Variants in MLN observed in about 807,000 individuals in gnomAD.
MLN encodes promotilin.
MLN carries 14 observed loss-of-function variants against 13.3 expected under a neutral mutation model. The ratio of observed to expected loss-of-function variants is 1.05; its 90% CI spans 0.69 to 1.64. The LOEUF (loss-of-function observed/expected upper bound fraction) is 1.64. MLN is among the 40% of genes most tolerant of loss of function. MLN has a pLI of 0.00. For missense variants in MLN, 122 were observed against 142.9 expected, an observed-to-expected ratio of 0.85 and a Z score of 0.75; for synonymous variants, 59 against 54.7, an observed-to-expected ratio of 1.08 and a Z score of -0.34.
At chr6:33,795,147 G>C (rs1430099120) in intron 4 of MLN, among the ~76,000 whole-genome samples, 1 of 152,232 alleles carries the variant, frequency 6.6e-6, no homozygotes, top group Non-Finnish European at 1.5e-5. Context: ...ACCTTGAACT[G>C]GGCAAGGCCA....
chr6:33,795,959 C>CTTT (rs5875463), intron 3 of MLN, among the ~76,000 whole-genome samples: 32 of 121,778 alleles, frequency 2.6e-4, no homozygotes, highest in South Asian at 5.3e-4. Flanking sequence ...TTATTCTAAG[C>CTTT]TTTTTTTTTT....
At chr6:33,797,890 A>C (rs1157238354) in intron 3 of MLN, among the ~76,000 whole-genome samples, 1 of 152,128 alleles carries the variant, frequency 6.6e-6, no homozygotes, top group African/African-American at 2.4e-5. Context: ...GAATGAATGG[A>C]GAGTCCAGTG....
intron 2 of MLN, among the ~76,000 whole-genome samples, chr6:33,800,801 G>A (rs1374773628): frequency 6.6e-6 from 1 of 152,234 alleles, no homozygotes; most frequent in East Asian, 1.9e-4. Flanking sequence ...GAGCAGCTCG[G>A]TAAATATTTA....
In MLN at chr6:33,795,562, T is replaced by C. The variant is rs1353920552; in HGVS notation, c.278A>G (p.Gln93Arg). The C allele has an allele frequency of 6.4e-7, 1 of 1,566,626 alleles. No individual in the cohort carries two copies. The highest frequency in any genetic ancestry group is 8.7e-7 in the Non-Finnish European group (1 of 1,154,028). Residue 93 changes from glutamine (Q) to arginine (R), a missense_variant, in exon 4 of 5, where the codon CAG (glutamine) becomes CGG (arginine). Physicochemically the swap from Gln to Arg is conservative, Grantham distance 43. Transcript: ENST00000430124. The stretch of plus-strand genomic sequence containing the variant: ...CAGGGTGGCCGGGTACTTTTCCAGC[T>C]GTCTGGAGTTCATCCTCATTCCAAT... ...LEIGMRMNSR[Q>R]LEKYPATLEG...
In MLN at chr6:33,799,769, T is replaced by A. The variant is rs908087596; in HGVS notation, c.118-548A>T. On this transcript the variant is annotated intron_variant, in intron 2 of 4. Coordinates refer to ENST00000430124, the MANE Select transcript of MLN (RefSeq NM_002418.3). This position sits in a 1 kb window ranked among gnomAD's most constrained non-coding sequence, Gnocchi z 4.6. ...ATGAGGAGAAAAGCCATGGAGCAGA[T>A]TAATGCAGTGTCCTTTGCTTGCTAT... Among the ~76,000 whole-genome samples, 7 of 152,332 alleles carry A rather than the reference T, an allele frequency of 4.6e-5. No homozygotes were observed. Among genetic ancestry groups the A allele is most frequent in the Admixed American group, 2.6e-4 (4 of 15,300 alleles).
intron 3 of MLN, among the ~76,000 whole-genome samples, chr6:33,796,117 G>A (rs534815385): frequency 3.9e-5 from 6 of 152,106 alleles, no homozygotes; most frequent in African/African-American, 1.4e-4. Context: ...CCGCTACCAC[G>A]CCCGGCTAAT....
At position 33,803,007 on chromosome 6, in the gene MLN, A is replaced by T. The variant is rs1054754048; in HGVS notation, c.-8+946T>A. Among the ~76,000 whole-genome samples, 7 of 152,104 alleles carry T rather than the reference A, an allele frequency of 4.6e-5. No individual in the cohort carries two copies. The highest frequency in any genetic ancestry group is 2.6e-4 in the Admixed American group (4 of 15,284). On this transcript the variant is annotated intron_variant, in intron 1 of 4. Coordinates refer to ENST00000430124, the MANE Select transcript of MLN (RefSeq NM_002418.3). The surrounding 1 kb of genome is among the most constrained non-coding windows in gnomAD (Gnocchi z 4.5). ...TAGGAATCAATAAAAACTTTAAATTAAAAAAAAGGCAAAATCCAATTGCTT... is the reference window on the plus strand; with the variant it reads ...TAGGAATCAATAAAAACTTTAAATTTAAAAAAAGGCAAAATCCAATTGCTT...
In MLN at chr6:33,801,001, A is replaced by G. The variant is rs754755759; in HGVS notation, c.117+46T>C. On this transcript the variant is annotated intron_variant, in intron 2 of 4. Transcript: ENST00000430124. ...CCTTGGTATCACCGGCATAGGTCATAGTGACCTCAGCCTTGCTAGCAGGGC... is the reference window on the plus strand; with the variant it reads ...CCTTGGTATCACCGGCATAGGTCATGGTGACCTCAGCCTTGCTAGCAGGGC... 10 of 1,406,158 alleles carry G rather than the reference A, an allele frequency of 7.1e-6. No homozygotes were observed. In the South Asian group the frequency reaches 1.2e-4, roughly 16 times the overall value. The allele number at this position is 1,406,158 out of a possible 1,614,324, so 87.1% of individuals were successfully genotyped here.
Position 33,799,305 on chromosome 6 carries a change from G to A in MLN, c.118-84C>T. On this transcript the variant is annotated intron_variant, in intron 2 of 4. Coordinates refer to ENST00000430124, the MANE Select transcript of MLN (RefSeq NM_002418.3). The surrounding 1 kb of genome is among the most constrained non-coding windows in gnomAD (Gnocchi z 4.6). ...CCTTGCCTGTCTCCATCTGCCCAGG[G>A]TGCTGTCTGCCCTGAGCTCCCTACA... 1 of 967,558 alleles carries A rather than the reference G, an allele frequency of 1.0e-6. No homozygotes were observed. Among genetic ancestry groups the A allele is most frequent in the East Asian group, 2.5e-5 (1 of 40,532 alleles). 59.9% of individuals were successfully genotyped at this position (967,558 alleles called of 1,614,324 possible). A position where few individuals can be genotyped will look rare whatever the true frequency, so the allele number is the denominator to read the frequency against.
Position 33,794,736 on chromosome 6 carries a change from G to T in MLN, c.*89C>A. ...TTTGGAAAGGGTGTTTTCCTTCCAA[G>T]CCCAGCTGGCAGGCTCTGTAAATTC... On this transcript the variant is annotated 3_prime_UTR_variant, in exon 5 of 5. Coordinates refer to ENST00000430124, the MANE Select transcript of MLN (RefSeq NM_002418.3). 6.6e-7 allele frequency: 1 copy of T among 1,516,062 alleles called. No homozygotes were observed. The highest frequency in any genetic ancestry group is 9.0e-7 in the Non-Finnish European group (1 of 1,110,392). The allele number at this position is 1,516,062 out of a possible 1,614,324, so 93.9% of individuals were successfully genotyped here.
At chr6:33,801,322 A>G (rs1243493629) in intron 1 of MLN, among the ~76,000 whole-genome samples, 152 bp from the exon 2 acceptor site, 1 of 152,228 alleles carries the variant, frequency 6.6e-6, no homozygotes, top group Non-Finnish European at 1.5e-5. Flanking sequence ...TGGGCCTGGT[A>G]TCAGAGCTTG....
At chr6:33,801,329 C>A (rs1277674986) in intron 1 of MLN, among the ~76,000 whole-genome samples, 159 bp from the exon 2 acceptor site, 2 of 152,256 alleles carry the variant, frequency 1.3e-5, no homozygotes, top group African/African-American at 2.4e-5. Context: ...GGTATCAGAG[C>A]TTGAGCAGAT....
chr6:33,800,006 G>A (rs1768008002), intron 2 of MLN, among the ~76,000 whole-genome samples: 2 of 152,180 alleles, frequency 1.3e-5, no homozygotes, highest in African/African-American at 2.4e-5. Flanking sequence ...GTGGAGGAAA[G>A]TGTGTTGGGG....
intron 2 of MLN, among the ~76,000 whole-genome samples, 177 bp downstream of exon 2, chr6:33,800,870 T>C (rs1197561865): frequency 6.6e-6 from 1 of 152,186 alleles, no homozygotes; most frequent in Non-Finnish European, 1.5e-5. Flanking sequence ...AAGATGTTGC[T>C]CATACGAGCC....
At chr6:33,795,706 A>T in intron 3 of MLN, 101 bp from the exon 4 acceptor site, 1 of 875,348 alleles carries the variant, frequency 1.1e-6, no homozygotes, top group Non-Finnish European at 1.8e-6. Flanking sequence ...GAGCCACACC[A>T]CCCTGCAGAC....
At chr6:33,800,865 G>C (rs1768028223) in intron 2 of MLN, among the ~76,000 whole-genome samples, 182 bp downstream of exon 2, 1 of 152,194 alleles carries the variant, frequency 6.6e-6, no homozygotes, top group Non-Finnish European at 1.5e-5. Context: ...TGGGAAAGAT[G>C]TTGCTCATAC....
intron 4 of MLN, 127 bp downstream of exon 4, chr6:33,795,376 G>A: frequency 2.7e-6 from 2 of 731,914 alleles, no homozygotes; most frequent in South Asian, 3.4e-5. Context: ...CCAGGGAGAA[G>A]ACGGCTCCAC....
chr6:33,798,653 T>G (rs1199893324), intron 3 of MLN, among the ~76,000 whole-genome samples: 4 of 152,220 alleles, frequency 2.6e-5, no homozygotes, highest in African/African-American at 9.6e-5. Context: ...GGGCTGGCCA[T>G]GCTGACCTCT....
chr6:33,797,557 TG>T (rs1471636425), intron 3 of MLN, among the ~76,000 whole-genome samples: 1 of 152,274 alleles, frequency 6.6e-6, no homozygotes, highest in African/African-American at 2.4e-5. Context: ...TCAGTTGTTC[TG>T]GCCCAAACCC....
Sources: allele counts gnomAD v4.1 joint callset (sites outside exome capture counted in the v4.1 genomes callset), GRCh38; gene constraint gnomAD v4.1.1; non-coding constraint Gnocchi (gnomAD v3.1); transcripts MANE v1.5; gene names NCBI Gene and HGNC (gene_info 2026-07-23, HGNC 2026-07-21).